NGEF: variants seen among roughly 807,000 people sequenced by gnomAD.
The protein encoded by NGEF is ephexin-1.
In NGEF, 31 loss-of-function variants were observed where a neutral mutation model predicts 80.9. That is an observed-to-expected ratio of 0.38 (90% CI 0.29 to 0.52). The LOEUF (loss-of-function observed/expected upper bound fraction) is 0.52, where lower values mean the gene tolerates loss of function less well. Among genes scored for constraint, NGEF ranks in the 20% least tolerant of loss-of-function variants. NGEF has a pLI of 0.84. For missense variants in NGEF, 709 were observed against 926.2 expected (o/e 0.77, Z 3.04); for synonymous variants, 371 against 370.2 (o/e 1.00, Z -0.03).
chr2:232,953,551 T>C (rs1476264304), intron 3 of NGEF, among the ~76,000 whole-genome samples: 1 of 151,764 alleles, frequency 6.6e-6, no homozygotes, highest in African/African-American at 2.4e-5. Context: ...TTGATGACAC[T>C]GATATACATT....
rs542143063 is a variant in NGEF, at chr2:232,928,814, C to G, written c.384-1628G>C. ...AGAAACCAAGTGCCCGAAACCTCTC[C>G]TGGGTTGCCCTGCCCGGTGACATCG... On this transcript the variant is annotated intron_variant, in intron 3 of 14. Coordinates refer to ENST00000264051, the MANE Select transcript of NGEF (RefSeq NM_019850.3). Among the ~76,000 whole-genome samples, 3 of 152,350 alleles carry G rather than the reference C, an allele frequency of 2.0e-5. No homozygotes were observed. In the East Asian group the frequency reaches 5.8e-4, roughly 29 times the overall value.
intron 3 of NGEF, among the ~76,000 whole-genome samples, chr2:232,966,286 G>C (rs925951130): frequency 6.6e-6 from 1 of 152,134 alleles, no homozygotes. Context: ...CTTAAGCCTC[G>C]ACTCCAGCAG....
intron 1 of NGEF, among the ~76,000 whole-genome samples, chr2:233,007,949 A>G (rs1416115770): frequency 1.3e-5 from 2 of 152,186 alleles, no homozygotes; most frequent in Admixed American, 6.5e-5. Context: ...CTAATTTCCT[A>G]AAAAGGAACT....
intron 3 of NGEF, among the ~76,000 whole-genome samples, chr2:232,951,549 A>G (rs1051665834): frequency 1.3e-5 from 2 of 152,172 alleles, no homozygotes; most frequent in Non-Finnish European, 2.9e-5. Context: ...AGGTTTTACA[A>G]TTGCGTGACC....
At chr2:232,942,792 CAAAAAAAA>C (rs35882284) in intron 3 of NGEF, among the ~76,000 whole-genome samples, 1 of 120,646 alleles carries the variant, frequency 8.3e-6, no homozygotes, top group Admixed American at 8.8e-5. Flanking sequence ...GACTCCGTCT[CAAAAAAAA>C]AAAAAAAGAA....
chr2:232,926,231 G>A (rs1693063186), intron 4 of NGEF, among the ~76,000 whole-genome samples: 1 of 152,082 alleles, frequency 6.6e-6, no homozygotes, highest in African/African-American at 2.4e-5. Context: ...TGACAACAAT[G>A]AAGAACGAAA....
chr2:232,953,207 C>T (rs1419644074), intron 3 of NGEF, among the ~76,000 whole-genome samples: 1 of 143,152 alleles, frequency 7.0e-6, no homozygotes, highest in Non-Finnish European at 1.5e-5. Context: ...GAGACTGAAG[C>T]AGGAGAATCG....
intron 1 of NGEF, among the ~76,000 whole-genome samples, chr2:233,010,754 G>A (rs954952576): frequency 3.3e-5 from 5 of 152,156 alleles, no homozygotes; most frequent in Non-Finnish European, 7.4e-5. Flanking sequence ...GGTCTCCCAC[G>A]GCCCTGGCCT....
chr2:232,914,354 C>T (rs192294018), intron 5 of NGEF, among the ~76,000 whole-genome samples: 141 of 152,282 alleles, frequency 9.3e-4, no homozygotes, highest in Middle Eastern at 3.4e-3. Flanking sequence ...TTGCACTGAC[C>T]AGTTTCAAAT....
chr2:232,972,744 C>CTTTTTTTTT (rs61594239), intron 2 of NGEF, among the ~76,000 whole-genome samples: 3 of 123,384 alleles, frequency 2.4e-5, no homozygotes, highest in African/African-American at 5.7e-5. Context: ...TGTCCTTATC[C>CTTTTTTTTT]TTTTTTTTTT....
At chr2:232,981,856 A>T (rs1037290970) in intron 1 of NGEF, among the ~76,000 whole-genome samples, 5 of 152,248 alleles carry the variant, frequency 3.3e-5, no homozygotes, top group African/African-American at 1.2e-4. Flanking sequence ...GGCAGTAGGC[A>T]AGGTGAACCC....
chr2:232,888,895 T>C (rs1358660137), intron 8 of NGEF, among the ~76,000 whole-genome samples: 1 of 152,258 alleles, frequency 6.6e-6, no homozygotes, highest in Non-Finnish European at 1.5e-5. Flanking sequence ...ATTTTGACAT[T>C]GCTCTATAAA....
intron 9 of NGEF, 121 bp from the exon 10 acceptor site, chr2:232,885,490 C>A: frequency 1.3e-6 from 1 of 765,322 alleles, no homozygotes; most frequent in Non-Finnish European, 2.2e-6. Flanking sequence ...GTGCCCACAG[C>A]TGAGGCTGGC....
chr2:232,986,804 T>C (rs1468475525), intron 1 of NGEF, among the ~76,000 whole-genome samples: 3 of 152,236 alleles, frequency 2.0e-5, no homozygotes, highest in Non-Finnish European at 4.4e-5. Context: ...TGGTGATGGA[T>C]GTGTTAATTT....
intron 1 of NGEF, among the ~76,000 whole-genome samples, chr2:232,993,166 T>TATTA (rs1553559476): frequency 2.1e-5 from 2 of 93,892 alleles, no homozygotes; most frequent in African/African-American, 7.2e-5. Flanking sequence ...TATATATATA[T>TATTA]TATATATATA....
At chr2:232,883,808 A>C (rs992209888) in intron 11 of NGEF, among the ~76,000 whole-genome samples, 173 bp downstream of exon 11, 1 of 152,204 alleles carries the variant, frequency 6.6e-6, no homozygotes, top group Non-Finnish European at 1.5e-5. Flanking sequence ...TAGGAACGTG[A>C]AATAACCTTG....
chr2:232,881,303 C>T, intron 13 of NGEF, 53 bp from the exon 14 acceptor site: 1 of 1,412,084 alleles, frequency 7.1e-7, no homozygotes, highest in Non-Finnish European at 9.9e-7. Context: ...CCCACCTGCA[C>T]ACTCCCACCA....
intron 1 of NGEF, among the ~76,000 whole-genome samples, chr2:233,004,128 C>A (rs1695038206): frequency 6.6e-6 from 1 of 152,172 alleles, no homozygotes; most frequent in Admixed American, 6.5e-5. Context: ...GTTCCCCCAG[C>A]CTCCCACCTC....
chr2:233,004,222 C>T (rs1695040259), intron 1 of NGEF, among the ~76,000 whole-genome samples: 1 of 152,184 alleles, frequency 6.6e-6, no homozygotes, highest in Admixed American at 6.5e-5. Context: ...CCTGACCCTG[C>T]AGCCCTGCAG....
Sources: gnomAD v4.1 joint callset for allele counts (sites outside exome capture counted in the v4.1 genomes callset) on GRCh38, gnomAD v4.1.1 for gene constraint, MANE v1.5 for transcripts, NCBI Gene and HGNC (gene_info 2026-07-23, HGNC 2026-07-21) for gene names.